Variants in ST3GAL4 observed in about 807,000 individuals in gnomAD.
The protein encoded by ST3GAL4 is CMP-N-acetylneuraminate-beta-galactosamide-alpha-2,3-sialyltransferase 4.
ST3GAL4 carries 24 observed loss-of-function variants against 42.6 expected under a neutral mutation model. The observed-to-expected ratio is 0.56, with a 90% CI of 0.41 to 0.79. The LOEUF (loss-of-function observed/expected upper bound fraction) is 0.79, where lower values mean the gene tolerates loss of function less well. ST3GAL4 is among the 30% of genes least tolerant of loss of function. The pLI is 0.00. For missense variants in ST3GAL4, 311 were observed against 430.8 expected (o/e 0.72, Z 2.46); for synonymous variants, 135 against 163.2 (o/e 0.83, Z 1.32).
chr11:126,365,527 G>T (rs1240325933), intron 1 of ST3GAL4, among the ~76,000 whole-genome samples: 1 of 152,214 alleles, frequency 6.6e-6, no homozygotes, highest in East Asian at 1.9e-4. Context: ...GTGTGCAGAG[G>T]TGGGTGTGGG....
chr11:126,371,276 T>C (rs1952637350), intron 1 of ST3GAL4, among the ~76,000 whole-genome samples: 1 of 149,252 alleles, frequency 6.7e-6, no homozygotes, highest in Non-Finnish European at 1.5e-5. Flanking sequence ...GTGATTTTCC[T>C]GCCTCAGCCT....
chr11:126,384,673 C>A lies in ST3GAL4; in HGVS notation c.-60-21423C>A, dbSNP rs1390105352. ...ACCCAGACAGACAGATGGAGAGCCA[C>A]CTCCCTAGGGGCCTCCTCCCCCTCC... On this transcript the variant is annotated intron_variant, in intron 1 of 10. Transcript: ENST00000444328. The surrounding 1 kb of genome is among the most constrained non-coding windows in gnomAD (Gnocchi z 5.5). 1 of 985,156 alleles carries A rather than the reference C, an allele frequency of 1.0e-6. No homozygotes were observed. Among genetic ancestry groups the A allele is most frequent in the Non-Finnish European group, 1.2e-6 (1 of 829,840 alleles). The allele number at this position is 985,156 out of a possible 1,614,324, so 61.0% of individuals were successfully genotyped here. A position where few individuals can be genotyped will look rare whatever the true frequency, so the allele number is the denominator to read the frequency against.
chr11:126,387,777 G>T (rs1033144235), intron 1 of ST3GAL4, among the ~76,000 whole-genome samples: 8 of 151,714 alleles, frequency 5.3e-5, no homozygotes, highest in African/African-American at 2.0e-4. Flanking sequence ...CTCTTGAGAG[G>T]CCATAGCCTT....
rs543602435 is a variant in ST3GAL4, at chr11:126,405,870, C to G, written c.-60-226C>G. ...CGAGTCCCGAGTCCCTGGCTGGACC[C>G]TCGGTTTTCCCTTCCGTGGCAGGGC... On this transcript the variant is annotated intron_variant, in intron 1 of 10. Coordinates refer to ENST00000444328, the MANE Select transcript of ST3GAL4 (RefSeq NM_001254757.2). 8.1e-5 allele frequency: 47 copies of G among 582,044 alleles called. No individual in the cohort carries two copies. The East Asian group carries it at 1.4e-3, about 17-fold the overall frequency. 36.1% of individuals were successfully genotyped at this position (582,044 alleles called of 1,614,324 possible). A position where few individuals can be genotyped will look rare whatever the true frequency, so the allele number is the denominator to read the frequency against.
At chr11:126,357,571 C>T (rs1952113131) in intron 1 of ST3GAL4, among the ~76,000 whole-genome samples, 1 of 152,104 alleles carries the variant, frequency 6.6e-6, no homozygotes, top group Non-Finnish European at 1.5e-5. Context: ...GAGTGCCGTG[C>T]CCCCGCCAGC....
At position 126,410,114 on chromosome 11, in the gene ST3GAL4, C is replaced by T. The variant is rs944522637; in HGVS notation, c.771+703C>T. 3.3e-5 allele frequency among the ~76,000 whole-genome samples: 5 copies of T among 152,114 alleles called. No homozygotes were observed. The highest frequency in any genetic ancestry group is 1.2e-4 in the African/African-American group (5 of 41,408). ...AGAGATGGGGGTCTCACTGTGTTGC[C>T]CAGGCTGGTCCTGAACTCCTGGCCT... On this transcript the variant is annotated intron_variant, in intron 9 of 10. Transcript: ENST00000444328. This position sits in a 1 kb window ranked among gnomAD's most constrained non-coding sequence, Gnocchi z 5.3.
At chr11:126,358,230 T>A (rs1591404607) in intron 1 of ST3GAL4, among the ~76,000 whole-genome samples, 1 of 152,372 alleles carries the variant, frequency 6.6e-6, no homozygotes, top group Non-Finnish European at 1.5e-5. Flanking sequence ...GACGTTTCCC[T>A]GCAACAGGCC....
intron 1 of ST3GAL4, among the ~76,000 whole-genome samples, chr11:126,390,276 GTAGCACAGTGTATA>G (rs1953438902): frequency 6.6e-6 from 1 of 150,676 alleles, no homozygotes; most frequent in Admixed American, 6.6e-5. Flanking sequence ...TAGTATTCAG[GTAGCACAGTGTATA>G]TAGCCATGGC....
In ST3GAL4 at chr11:126,366,432, G is replaced by A. The variant is rs1952429528; in HGVS notation, c.-61+10590G>A. Among the ~76,000 whole-genome samples, 1 of 152,136 alleles carries A rather than the reference G, an allele frequency of 6.6e-6. No homozygotes were observed. Among genetic ancestry groups the A allele is most frequent in the African/African-American group, 2.4e-5 (1 of 41,420 alleles). On this transcript the variant is annotated intron_variant, in intron 1 of 10. Coordinates refer to ENST00000444328, the MANE Select transcript of ST3GAL4 (RefSeq NM_001254757.2). The surrounding 1 kb of genome is among the most constrained non-coding windows in gnomAD (Gnocchi z 4.2). ...CCTGTGTCTGTGTGATCTGGTTCCC[G>A]GGTGTCTGAGTAGGGACCAATGTGT...
intron 1 of ST3GAL4, among the ~76,000 whole-genome samples, chr11:126,362,937 A>T (rs1188886050): frequency 1.3e-5 from 2 of 152,222 alleles, no homozygotes; most frequent in Admixed American, 6.5e-5. Context: ...CCCCACAGGC[A>T]GGGAGCCGGT....
Position 126,400,407 on chromosome 11 carries a change from G to T in ST3GAL4, c.-60-5689G>T, listed in dbSNP as rs561619078. On this transcript the variant is annotated intron_variant, in intron 1 of 10. Coordinates refer to ENST00000444328, the MANE Select transcript of ST3GAL4 (RefSeq NM_001254757.2). The surrounding 1 kb of genome is among the most constrained non-coding windows in gnomAD (Gnocchi z 4.6). ...GCCCTGCTTATACTGTTGCACTGGG[G>T]ATCAAGTTGCAGCACTTGGACTTCG... 6.6e-6 allele frequency among the ~76,000 whole-genome samples: 1 copy of T among 152,222 alleles called. No homozygotes were observed. Among genetic ancestry groups the T allele is most frequent in the East Asian group, 1.9e-4 (1 of 5,198 alleles).
intron 1 of ST3GAL4, among the ~76,000 whole-genome samples, chr11:126,387,872 G>T (rs1424318382): frequency 6.6e-6 from 1 of 152,178 alleles, no homozygotes; most frequent in Non-Finnish European, 1.5e-5. Flanking sequence ...TGCATTTGGA[G>T]ATATGGATAT....
At position 126,396,082 on chromosome 11, in the gene ST3GAL4, G is replaced by A. The variant is rs1284828613; in HGVS notation, c.-60-10014G>A. Among the ~76,000 whole-genome samples the A allele has an allele frequency of 2.0e-5, 3 of 151,108 alleles. No individual in the cohort carries two copies. The highest frequency in any genetic ancestry group is 6.6e-5 in the Admixed American group (1 of 15,166). ...GACCGTCTGTATCCGAGTGTTGATC[G>A]GGTGGATTCTAACCCTGTGGGAGAA... On this transcript the variant is annotated intron_variant, in intron 1 of 10. Coordinates refer to ENST00000444328, the MANE Select transcript of ST3GAL4 (RefSeq NM_001254757.2). This position sits in a 1 kb window ranked among gnomAD's most constrained non-coding sequence, Gnocchi z 5.8.
Position 126,410,889 on chromosome 11 carries a change from G to A in ST3GAL4, c.771+1478G>A, listed in dbSNP as rs1248654068. 6.6e-6 allele frequency among the ~76,000 whole-genome samples: 1 copy of A among 152,228 alleles called. No homozygotes were observed. The highest frequency in any genetic ancestry group is 1.9e-4 in the East Asian group (1 of 5,194). ...GAGATGTCTGGGAGGCTCCCCAGAG[G>A]AGGTGGTGCTGGAGCCGGGCCTGGA... On this transcript the variant is annotated intron_variant, in intron 9 of 10. Transcript: ENST00000444328. This position sits in a 1 kb window ranked among gnomAD's most constrained non-coding sequence, Gnocchi z 5.3.
chr11:126,407,368 C>T lies in ST3GAL4; in HGVS notation c.280+19C>T, dbSNP rs1221834825. ...GGGAGTGGTAAGTTCCTACCCGGCT[C>T]GTGGGAACCATGGGCTCACCCTGAC... On this transcript the variant is annotated intron_variant, in intron 5 of 10. Coordinates refer to ENST00000444328, the MANE Select transcript of ST3GAL4 (RefSeq NM_001254757.2). 6.8e-6 allele frequency: 11 copies of T among 1,610,852 alleles called. No individual in the cohort carries two copies. The highest frequency in any genetic ancestry group is 2.7e-5 in the African/African-American group (2 of 74,854).
At chr11:126,365,825 G>T (rs1415545191) in intron 1 of ST3GAL4, among the ~76,000 whole-genome samples, 1 of 152,194 alleles carries the variant, frequency 6.6e-6, no homozygotes, top group East Asian at 1.9e-4. Context: ...GCTGAGACGG[G>T]CCCAGAGGAC....
In ST3GAL4 at chr11:126,373,344, G is replaced by A. The variant is rs1952723484; in HGVS notation, c.-61+17502G>A. On this transcript the variant is annotated intron_variant, in intron 1 of 10. Transcript: ENST00000444328. This position sits in a 1 kb window ranked among gnomAD's most constrained non-coding sequence, Gnocchi z 5.5. ...GCTTCTCCTGGGATGGAGGGGTGCC[G>A]GGGAGCCCCTGACCAGGACCTGGAG... Among the ~76,000 whole-genome samples the A allele has an allele frequency of 1.3e-5, 2 of 152,138 alleles. No homozygotes were observed. The highest frequency in any genetic ancestry group is 2.9e-5 in the Non-Finnish European group (2 of 68,018).
Position 126,413,772 on chromosome 11 carries a change from G to A in ST3GAL4, c.915+124G>A, listed in dbSNP as rs189895040. On this transcript the variant is annotated intron_variant, in intron 10 of 10. Transcript: ENST00000444328. ...GGCTCCCGCAGTCAGAACTGGAACC[G>A]AGGCACCTGGACTCCCTGGCCAGCA... The A allele has an allele frequency of 2.0e-4, 292 of 1,471,396 alleles. No homozygotes were observed. The Middle Eastern group carries it at 2.5e-3, about 13-fold the overall frequency. 91.1% of individuals were successfully genotyped at this position (1,471,396 alleles called of 1,614,324 possible). A position where few individuals can be genotyped will look rare whatever the true frequency, so the allele number is the denominator to read the frequency against.
In ST3GAL4 at chr11:126,370,466, A is replaced by AG. The variant is rs151292953; in HGVS notation, c.-61+14625dup. ...AATTATGTTCCTTCATTGTTTGGGG[A>AG]GTGGGGGGTAGACTTGCATGAGTAT... On this transcript the variant is annotated intron_variant, in intron 1 of 10. Coordinates refer to ENST00000444328, the MANE Select transcript of ST3GAL4 (RefSeq NM_001254757.2). Among the ~76,000 whole-genome samples, 1,221 of 152,074 alleles carry AG rather than the reference A, an allele frequency of 8.0e-3. 14 individuals carry two copies. Among genetic ancestry groups the AG allele is most frequent in the African/African-American group, 0.028 (1,147 of 41,460 alleles).
Sources: allele counts gnomAD v4.1 joint callset (sites outside exome capture counted in the v4.1 genomes callset), GRCh38; gene constraint gnomAD v4.1.1; non-coding constraint Gnocchi (gnomAD v3.1); transcripts MANE v1.5; gene names NCBI Gene and HGNC (gene_info 2026-07-23, HGNC 2026-07-21).